Variants in CNTN1 observed in about 807,000 individuals in gnomAD.
CNTN1 encodes the protein contactin 1.
Under a neutral mutation model 126.4 loss-of-function variants are expected in CNTN1, and 38 were observed. The observed-to-expected ratio is 0.30, with a 90% CI of 0.23 to 0.39. The LOEUF is 0.39. Among genes scored for constraint, CNTN1 ranks in the 10% least tolerant of loss-of-function variants. The pLI is 1.00. For synonymous variants in CNTN1, 413 were observed against 422.6 expected (o/e 0.98, Z 0.28); for missense variants, 1,009 against 1,248.4 (o/e 0.81, Z 2.89).
chr12:40,714,997 T>C (rs1323158067), intron 1 of CNTN1, among the ~76,000 whole-genome samples: 4 of 152,164 alleles, frequency 2.6e-5, no homozygotes, highest in African/African-American at 9.6e-5. Flanking sequence ...TTGTAAGCAT[T>C]TTTGTAGAAA....
chr12:41,044,373 A>T (rs1949494076), intron 23 of CNTN1, among the ~76,000 whole-genome samples: 1 of 152,012 alleles, frequency 6.6e-6, no homozygotes, highest in African/African-American at 2.4e-5. Flanking sequence ...GTGCAAACAA[A>T]GTCAGTAAAC....
At chr12:41,045,962 G>A (rs1316330842) in intron 23 of CNTN1, among the ~76,000 whole-genome samples, 1 of 152,072 alleles carries the variant, frequency 6.6e-6, no homozygotes, top group Admixed American at 6.6e-5. Flanking sequence ...GAAGTAAGAA[G>A]AGTGAAGGTT....
intron 1 of CNTN1, among the ~76,000 whole-genome samples, chr12:40,712,510 T>C (rs1044745116): frequency 2.6e-5 from 4 of 152,104 alleles, no homozygotes; most frequent in Non-Finnish European, 5.9e-5. Flanking sequence ...GCACATATGC[T>C]AGGAACCTGC....
intron 15 of CNTN1, among the ~76,000 whole-genome samples, chr12:40,967,543 G>A (rs1371780552): frequency 1.3e-5 from 2 of 152,028 alleles, no homozygotes; most frequent in Admixed American, 1.3e-4. Flanking sequence ...TTTGATTCCA[G>A]GGAGACAGTA....
At chr12:40,887,807 G>A (rs1421501101) in intron 1 of CNTN1, among the ~76,000 whole-genome samples, 20 of 152,034 alleles carry the variant, frequency 1.3e-4, no homozygotes, top group African/African-American at 3.6e-4. Context: ...AATGTGGCGC[G>A]TATACACCAT....
chr12:40,944,394 T>G (rs1592295911), intron 14 of CNTN1, among the ~76,000 whole-genome samples: 1 of 152,072 alleles, frequency 6.6e-6, no homozygotes, highest in East Asian at 1.9e-4. Flanking sequence ...AATCAATTAA[T>G]ATTAATTGGG....
chr12:40,833,852 C>G (rs145951898), intron 1 of CNTN1, among the ~76,000 whole-genome samples: 155 of 152,268 alleles, frequency 1.0e-3, no homozygotes, highest in African/African-American at 3.5e-3. Flanking sequence ...TGTCAAACAA[C>G]TAAATCAATG....
chr12:41,008,912 T>A (rs1948575814), intron 17 of CNTN1, among the ~76,000 whole-genome samples: 1 of 152,240 alleles, frequency 6.6e-6, no homozygotes, highest in Non-Finnish European at 1.5e-5. Context: ...TCAGTGTAAA[T>A]GTTAGCTACC....
At chr12:40,929,350 AC>A (rs1171280829) in intron 6 of CNTN1, among the ~76,000 whole-genome samples, 95 of 148,556 alleles carry the variant, frequency 6.4e-4, no homozygotes, top group African/African-American at 2.0e-3. Context: ...ACACACACAC[AC>A]ACAAAAAAAA....
intron 15 of CNTN1, chr12:40,971,380 G>T: frequency 2.7e-6 from 4 of 1,474,456 alleles, no homozygotes; most frequent in Non-Finnish European, 3.7e-6. Flanking sequence ...ATGGCTTCCT[G>T]CCCCTAATTG....
At chr12:40,906,679 G>GTTTTTTTTTT (rs1294983594) in intron 1 of CNTN1, among the ~76,000 whole-genome samples, 1 of 116,056 alleles carries the variant, frequency 8.6e-6, no homozygotes, top group Non-Finnish European at 1.8e-5. Flanking sequence ...CTTTTTTTTT[G>GTTTTTTTTTT]TTTTGTTTTT....
At chr12:40,853,023 CATT>C in intron 1 of CNTN1, among the ~76,000 whole-genome samples, 1 of 151,964 alleles carries the variant, frequency 6.6e-6, no homozygotes, top group Non-Finnish European at 1.5e-5. Context: ...TTAACATAAA[CATT>C]ATCCTGTCTT....
At chr12:40,959,655 G>A (rs1047550403) in intron 15 of CNTN1, among the ~76,000 whole-genome samples, 1 of 152,010 alleles carries the variant, frequency 6.6e-6, no homozygotes, top group African/African-American at 2.4e-5. Context: ...AGAGTGTAAA[G>A]TTAATTTATA....
chr12:40,882,658 C>T (rs973748617), intron 1 of CNTN1, among the ~76,000 whole-genome samples: 3 of 150,378 alleles, frequency 2.0e-5, no homozygotes, highest in Non-Finnish European at 3.0e-5. Context: ...TATGCCATGC[C>T]TAATCATATG....
chr12:40,854,215 C>G (rs1017555847), intron 1 of CNTN1, among the ~76,000 whole-genome samples: 1 of 151,734 alleles, frequency 6.6e-6, no homozygotes, highest in African/African-American at 2.4e-5. Flanking sequence ...ATGCAAATGA[C>G]AAGTCAGCTT....
intron 9 of CNTN1, 87 bp from the exon 10 acceptor site, chr12:40,936,694 G>A: frequency 6.5e-7 from 1 of 1,530,596 alleles, no homozygotes; most frequent in Non-Finnish European, 9.0e-7. Flanking sequence ...GCAGAATTAG[G>A]TTAACTAAAT....
At chr12:40,844,655 A>G (rs1942435067) in intron 1 of CNTN1, among the ~76,000 whole-genome samples, 1 of 152,180 alleles carries the variant, frequency 6.6e-6, no homozygotes. Flanking sequence ...ATTGTGACTA[A>G]CCCTTTAGTT....
intron 1 of CNTN1, among the ~76,000 whole-genome samples, chr12:40,805,892 G>T (rs73114704): frequency 0.023 from 3,468 of 152,158 alleles, 128 homozygotes; most frequent in African/African-American, 0.078. Flanking sequence ...TGGGACACAG[G>T]CTTCAAATTT....
intron 1 of CNTN1, among the ~76,000 whole-genome samples, chr12:40,867,276 C>T (rs2136659640): frequency 6.6e-6 from 1 of 152,266 alleles, no homozygotes; most frequent in East Asian, 1.9e-4. Context: ...TGCATCCATA[C>T]ATGCCCCTAA....
Sources: allele counts gnomAD v4.1 joint callset (sites outside exome capture counted in the v4.1 genomes callset), GRCh38; gene constraint gnomAD v4.1.1; transcripts MANE v1.5; gene names NCBI Gene and HGNC (gene_info 2026-07-23, HGNC 2026-07-21).